NR3C2: variants seen among roughly 807,000 people sequenced by gnomAD.
The protein encoded by NR3C2 is nuclear receptor subfamily 3 group C member 2.
NR3C2 carries 15 observed loss-of-function variants against 86.4 expected under a neutral mutation model. The ratio of observed to expected loss-of-function variants is 0.17; its 90% confidence interval spans 0.12 to 0.27. The LOEUF is 0.27. Among genes scored for constraint, NR3C2 ranks in the 10% least tolerant of loss-of-function variants. NR3C2 has a pLI of 1.00. For missense variants in NR3C2, 960 were observed against 1,195.6 expected (o/e 0.80, Z 2.91); for synonymous variants, 458 against 450.5 (o/e 1.02, Z -0.21).
intron 2 of NR3C2, among the ~76,000 whole-genome samples, chr4:148,305,396 T>C (rs1039918276): frequency 5.9e-5 from 9 of 152,100 alleles, no homozygotes; most frequent in South Asian, 2.1e-4. Flanking sequence ...CCAAGAGACG[T>C]AGAGTATTTT....
In NR3C2 at chr4:148,080,134, C is replaced by T. The variant is rs1395619304; in HGVS notation, c.*1210G>A. The T allele has an allele frequency of 6.6e-6, 1 of 152,232 alleles. No individual in the cohort carries two copies. The highest frequency in any genetic ancestry group is 1.5e-5 in the Non-Finnish European group (1 of 68,048). The allele number at this position is 152,232 out of a possible 1,614,324, so 9.4% of individuals were successfully genotyped here. A position where few individuals can be genotyped will look rare whatever the true frequency, so the allele number is the denominator to read the frequency against. ...CTGCAGCACTCCAAGGACCTCCTCT[C>T]CCACATGTGTTGTCAAATGACACCT... On this transcript the variant is annotated 3_prime_UTR_variant, in exon 9 of 9. Transcript: ENST00000358102.
At chr4:148,320,856 G>GT (rs922454573) in intron 2 of NR3C2, among the ~76,000 whole-genome samples, 2 of 150,590 alleles carry the variant, frequency 1.3e-5, no homozygotes, top group African/African-American at 2.5e-5. Flanking sequence ...TTTTTGAAAG[G>GT]TTTTTTGTGT....
chr4:148,283,537 G>GA (rs1456327706), intron 2 of NR3C2, among the ~76,000 whole-genome samples: 5 of 151,992 alleles, frequency 3.3e-5, no homozygotes, highest in East Asian at 1.9e-4. Flanking sequence ...TCAAGAAATT[G>GA]AAAAAATGTT....
intron 3 of NR3C2, among the ~76,000 whole-genome samples, chr4:148,222,911 T>C (rs767038363): frequency 1.3e-5 from 2 of 151,894 alleles, no homozygotes; most frequent in African/African-American, 2.4e-5. Flanking sequence ...GTAGATTAGA[T>C]ATAGTAAGAC....
At chr4:148,422,315 G>GA (rs11361774) in intron 2 of NR3C2, among the ~76,000 whole-genome samples, 251 of 140,340 alleles carry the variant, frequency 1.8e-3, no homozygotes, top group Middle Eastern at 7.4e-3. Flanking sequence ...AGGAATTGAG[G>GA]AAAAAAAAAA....
chr4:148,233,825 G>A (rs1738592861), intron 3 of NR3C2, among the ~76,000 whole-genome samples: 3 of 152,016 alleles, frequency 2.0e-5, no homozygotes, highest in Admixed American at 1.3e-4. Flanking sequence ...AAAGATCACT[G>A]ATCACTATAA....
At chr4:148,196,073 A>C (rs192755329) in intron 3 of NR3C2, among the ~76,000 whole-genome samples, 92 of 152,250 alleles carry the variant, frequency 6.0e-4, no homozygotes, top group Middle Eastern at 3.4e-3. Flanking sequence ...AATTATTGTA[A>C]CCTACGGGAG....
intron 4 of NR3C2, among the ~76,000 whole-genome samples, chr4:148,170,899 C>T (rs1344923508): frequency 6.6e-6 from 1 of 152,094 alleles, no homozygotes; most frequent in Admixed American, 6.5e-5. Flanking sequence ...TTTATTATCA[C>T]AAGACATGGC....
At chr4:148,217,855 T>C (rs1040630918) in intron 3 of NR3C2, among the ~76,000 whole-genome samples, 6 of 152,174 alleles carry the variant, frequency 3.9e-5, no homozygotes, top group African/African-American at 1.4e-4. Context: ...GCAGAACCCA[T>C]GTGTAATGGA....
intron 4 of NR3C2, among the ~76,000 whole-genome samples, chr4:148,180,763 T>TCC (rs1203259053): frequency 6.6e-6 from 1 of 152,220 alleles, no homozygotes; most frequent in Non-Finnish European, 1.5e-5. Context: ...TGTTCTATGT[T>TCC]GTTATAAATT....
intron 7 of NR3C2, among the ~76,000 whole-genome samples, chr4:148,119,127 G>T (rs142026883): frequency 1.3e-5 from 2 of 152,210 alleles, no homozygotes; most frequent in East Asian, 3.9e-4. Context: ...TTCTTCAATG[G>T]ACATTGAATA....
chr4:148,402,888 G>A (rs552653829), intron 2 of NR3C2, among the ~76,000 whole-genome samples: 2 of 152,046 alleles, frequency 1.3e-5, no homozygotes, highest in Non-Finnish European at 2.9e-5. Flanking sequence ...CTGTAAACAA[G>A]TAAATTTATA....
intron 3 of NR3C2, among the ~76,000 whole-genome samples, chr4:148,219,505 A>G (rs1268190872): frequency 6.6e-6 from 1 of 152,256 alleles, no homozygotes; most frequent in Admixed American, 6.5e-5. Flanking sequence ...AAGTATTTTC[A>G]TAATTATACT....
At chr4:148,441,014 A>AT (rs72646906) in intron 1 of NR3C2, among the ~76,000 whole-genome samples, 62 of 152,300 alleles carry the variant, frequency 4.1e-4, no homozygotes, top group Middle Eastern at 3.4e-3. Context: ...ATATGTAACT[A>AT]TTTTTTGTCA....
At chr4:148,372,468 T>A (rs1746466078) in intron 2 of NR3C2, among the ~76,000 whole-genome samples, 1 of 151,684 alleles carries the variant, frequency 6.6e-6, no homozygotes, top group South Asian at 2.1e-4. Context: ...AATGAACAGA[T>A]GAGGTCACAA....
intron 2 of NR3C2, among the ~76,000 whole-genome samples, chr4:148,309,846 T>A (rs909528252): frequency 5.3e-5 from 8 of 152,204 alleles, no homozygotes; most frequent in African/African-American, 1.4e-4. Flanking sequence ...TATCTCATCA[T>A]AGTAACTATA....
intron 3 of NR3C2, among the ~76,000 whole-genome samples, chr4:148,241,522 G>A (rs1445396347): frequency 2.0e-5 from 3 of 151,814 alleles, no homozygotes; most frequent in Admixed American, 6.6e-5. Context: ...CCGTGCCAGG[G>A]CACACTTTAA....
chr4:148,228,526 CTA>C (rs1251810539), intron 3 of NR3C2, among the ~76,000 whole-genome samples: 1 of 152,096 alleles, frequency 6.6e-6, no homozygotes, highest in African/African-American at 2.4e-5. Context: ...TTCTTTTAAG[CTA>C]TATATATAAA....
intron 3 of NR3C2, among the ~76,000 whole-genome samples, chr4:148,243,557 T>C (rs769431798): frequency 7.2e-5 from 11 of 152,222 alleles, no homozygotes; most frequent in Non-Finnish European, 1.6e-4. Context: ...TCCATGACAC[T>C]TCCTTATATA....
Sources: gnomAD v4.1 joint callset for allele counts (sites outside exome capture counted in the v4.1 genomes callset) on GRCh38, gnomAD v4.1.1 for gene constraint, MANE v1.5 for transcripts, NCBI Gene and HGNC (gene_info 2026-07-23, HGNC 2026-07-21) for gene names.